PHKA1: variants seen among roughly 807,000 people sequenced by gnomAD.
PHKA1 encodes phosphorylase b kinase regulatory subunit alpha, skeletal muscle isoform.
Under a neutral mutation model 110.2 loss-of-function variants are expected in PHKA1, and 60 were observed. The ratio of observed to expected loss-of-function variants is 0.54; its 90% CI spans 0.44 to 0.68. The LOEUF is 0.68. Ranked by LOEUF, PHKA1 falls within the 30% of genes least tolerant of loss-of-function variation. The pLI, the probability that PHKA1 is intolerant of heterozygous loss-of-function variation, is 0.00. For synonymous variants in PHKA1, 316 were observed against 333.6 expected, an observed-to-expected ratio of 0.95 and a Z score of 0.58; for missense variants, 801 against 942.5, an observed-to-expected ratio of 0.85 and a Z score of 1.97.
chrX:72,580,714 T>A lies in PHKA1; in HGVS notation c.*288A>T. ...AACAGATCTAGAGAATAAAAACACA[T>A]GCAAACTTTTATGAATGATGAAAGA... On this transcript the variant is annotated 3_prime_UTR_variant, in exon 32 of 32. Transcript: ENST00000373542. The A allele has an allele frequency of 2.6e-6, 1 of 380,200 alleles. No homozygotes were observed. The highest frequency in any genetic ancestry group is 4.6e-5 in the East Asian group (1 of 21,689). The allele number at this position is 380,200 out of a possible 1,213,427, so 31.3% of individuals were successfully genotyped here.
chrX:72,589,472 T>C (rs782157861), intron 29 of PHKA1, among the ~76,000 whole-genome samples: 42 of 111,804 alleles, frequency 3.8e-4, no homozygotes, highest in African/African-American at 1.3e-3. Flanking sequence ...GCCAACATCA[T>C]ACTGAATGGG....
chrX:72,654,027 TA>T (rs1226694678), intron 10 of PHKA1, among the ~76,000 whole-genome samples: 6 of 85,082 alleles, frequency 7.1e-5, no homozygotes, highest in Non-Finnish European at 4.7e-5. Context: ...ATATAAAATG[TA>T]AAAAAAAAAA....
intron 5 of PHKA1, among the ~76,000 whole-genome samples, chrX:72,682,086 C>G (rs1556315997): frequency 4.7e-5 from 2 of 42,442 alleles, no homozygotes; most frequent in Non-Finnish European, 4.2e-5. Context: ...TGGGGGGGGT[C>G]GGCCCCCCGC....
chrX:72,625,056 T>C (rs2053036902), intron 17 of PHKA1, among the ~76,000 whole-genome samples: 1 of 112,197 alleles, frequency 8.9e-6, no homozygotes, highest in East Asian at 2.8e-4. Context: ...ATTATTGGGA[T>C]AATTGGGTAA....
At chrX:72,602,329 T>A in intron 26 of PHKA1, 56 bp from the exon 27 acceptor site, 1 of 724,592 alleles carries the variant, frequency 1.4e-6, no homozygotes, top group South Asian at 2.2e-5. Flanking sequence ...TTCAATTTCT[T>A]CCCCATCACA....
intron 21 of PHKA1, among the ~76,000 whole-genome samples, chrX:72,612,106 A>G (rs1217552015): frequency 8.9e-6 from 1 of 112,433 alleles, no homozygotes; most frequent in Non-Finnish European, 1.9e-5. Flanking sequence ...TGGATAAATA[A>G]GATGTGTTAT....
At chrX:72,711,085 T>C (rs1556334536) in intron 2 of PHKA1, among the ~76,000 whole-genome samples, 1 of 108,363 alleles carries the variant, frequency 9.2e-6, no homozygotes, top group Admixed American at 9.9e-5. Flanking sequence ...ATGGTCTCGA[T>C]CTCCTGACCT....
chrX:72,583,057 T>C (rs2052359632), intron 30 of PHKA1, among the ~76,000 whole-genome samples: 1 of 111,961 alleles, frequency 8.9e-6, no homozygotes, highest in Admixed American at 9.5e-5. Context: ...ACATAAAAAT[T>C]AGAATTATGT....
intron 4 of PHKA1, among the ~76,000 whole-genome samples, chrX:72,684,938 G>A (rs972432034): frequency 9.0e-6 from 1 of 111,415 alleles, no homozygotes; most frequent in Non-Finnish European, 1.9e-5. Flanking sequence ...GCTGGAAGGG[G>A]TCTAAATACT....
In PHKA1 at chrX:72,681,393, T is replaced by TG. The variant is rs1293049179; in HGVS notation, c.537+3104dup. Among the ~76,000 whole-genome samples the TG allele has an allele frequency of 3.6e-3, 294 of 82,374 alleles. 1 individual carries two copies. The highest frequency in any genetic ancestry group is 8.8e-3 in the African/African-American group (201 of 22,804). 71.5% of individuals were successfully genotyped at this position (82,374 alleles called of 115,157 possible). A position where few individuals can be genotyped will look rare whatever the true frequency, so the allele number is the denominator to read the frequency against. On this transcript the variant is annotated intron_variant, in intron 5 of 31. Coordinates refer to ENST00000373542, the MANE Select transcript of PHKA1 (RefSeq NM_002637.4). ...GCAGCCACCCCATCTGGGAGGGAGG[T>TG]GGGGGGGGGTCAGCCCCCCGCCCGG... is the stretch of plus-strand genomic sequence containing the variant.
intron 5 of PHKA1, among the ~76,000 whole-genome samples, chrX:72,682,934 T>TTAAAAAAAAAAAAAAAAAAA (rs1556317402): frequency 3.1e-5 from 2 of 63,851 alleles, no homozygotes; most frequent in Non-Finnish European, 5.5e-5. Flanking sequence ...AAAAATAAAT[T>TTAAAAAAAAAAAAAAAAAAA]AAAAAAAAAA....
intron 29 of PHKA1, among the ~76,000 whole-genome samples, chrX:72,589,196 G>A (rs1157085694): frequency 2.7e-5 from 3 of 111,623 alleles, no homozygotes; most frequent in Non-Finnish European, 3.8e-5. Flanking sequence ...CTGGCAAACC[G>A]AATCCAGTAG....
chrX:72,682,501 A>G (rs1365383857), intron 5 of PHKA1, among the ~76,000 whole-genome samples: 1 of 109,970 alleles, frequency 9.1e-6, no homozygotes. Context: ...AGGTGGGGAA[A>G]AGATTGAGAA....
In PHKA1 at chrX:72,688,300, G is replaced by A. The variant is rs782316684; in HGVS notation, c.455-3720C>T. On this transcript the variant is annotated intron_variant, in intron 4 of 31. Transcript: ENST00000373542. ...AGCTGCAGAAGCAAAGTGGCAAAGT[G>A]TGTTTTTTCTTGCAATCGTAATGAC... 2.7e-5 allele frequency among the ~76,000 whole-genome samples: 3 copies of A among 112,209 alleles called. No individual in the cohort carries two copies. The East Asian group carries it at 8.4e-4, about 31-fold the overall frequency.
chrX:72,634,583 G>T (rs1398611773), intron 16 of PHKA1, among the ~76,000 whole-genome samples: 3 of 102,076 alleles, frequency 2.9e-5, no homozygotes, highest in African/African-American at 1.1e-4. Flanking sequence ...AAAAAAAAAA[G>T]AGGAAACGTA....
intron 23 of PHKA1, 121 bp downstream of exon 23, chrX:72,609,503 T>C (rs1556256610): frequency 1.8e-6 from 1 of 561,830 alleles, no homozygotes; most frequent in Non-Finnish European, 3.2e-6. Context: ...TTCCACTAGG[T>C]GTCTCTGATA....
At chrX:72,622,237 T>C in intron 18 of PHKA1, 3 of 754,273 alleles carry the variant, frequency 4.0e-6, no homozygotes, top group Non-Finnish European at 4.7e-6. Flanking sequence ...TGACTGCTAA[T>C]GTGTTGTCCT....
intron 21 of PHKA1, among the ~76,000 whole-genome samples, chrX:72,611,561 T>G (rs2052810199): frequency 8.9e-6 from 1 of 112,133 alleles, no homozygotes; most frequent in Middle Eastern, 4.6e-3. Flanking sequence ...TAATTTCCCT[T>G]ATATATAAAG....
At chrX:72,673,326 G>C (rs1262199342) in intron 6 of PHKA1, among the ~76,000 whole-genome samples, 2 of 111,856 alleles carry the variant, frequency 1.8e-5, no homozygotes, top group African/African-American at 6.5e-5. Context: ...TGTTTGTTTT[G>C]TTTAATCAGA....
Sources: gnomAD v4.1 joint callset for allele counts (sites outside exome capture counted in the v4.1 genomes callset) on GRCh38, gnomAD v4.1.1 for gene constraint, MANE v1.5 for transcripts, NCBI Gene and HGNC (gene_info 2026-07-23, HGNC 2026-07-21) for gene names.